Variants in BCKDHA observed in about 807,000 individuals in gnomAD.
The protein encoded by BCKDHA is 2-oxoisovalerate dehydrogenase subunit alpha, mitochondrial.
Under a neutral mutation model 52.2 loss-of-function variants are expected in BCKDHA, and 43 were observed. The observed-to-expected ratio is 0.82, with a 90% CI of 0.64 to 1.06. The LOEUF (loss-of-function observed/expected upper bound fraction) is 1.06. Among genes scored for constraint, BCKDHA ranks in the 50% least tolerant of loss-of-function variants. The probability of loss-of-function intolerance (pLI) is 0.00; values close to 1 mark genes in which losing one functional copy is unlikely to be tolerated. For missense variants in BCKDHA, 527 were observed against 621.3 expected (o/e 0.85, Z 1.61); for synonymous variants, 234 against 247.9 (o/e 0.94, Z 0.53).
At chr19:41,420,509 G>A (rs1254608512) in intron 5 of BCKDHA, among the ~76,000 whole-genome samples, 1 of 152,058 alleles carries the variant, frequency 6.6e-6, no homozygotes, top group Non-Finnish European at 1.5e-5. Context: ...TGAAGCAGGA[G>A]GATTGCTTGA....
intron 5 of BCKDHA, among the ~76,000 whole-genome samples, chr19:41,419,877 C>T (rs988365983): frequency 6.6e-5 from 10 of 151,462 alleles, no homozygotes; most frequent in Non-Finnish European, 1.2e-4. Flanking sequence ...AAGTGATTCT[C>T]CTGCCTTAGC....
At chr19:41,417,260 C>T (rs890017292) in intron 4 of BCKDHA, among the ~76,000 whole-genome samples, 1 of 152,126 alleles carries the variant, frequency 6.6e-6, no homozygotes, top group Non-Finnish European at 1.5e-5. Flanking sequence ...AAGCAGTCCA[C>T]CTGCCTCACC....
intron 1 of BCKDHA, among the ~76,000 whole-genome samples, chr19:41,404,332 C>T (rs1305314896): frequency 6.6e-6 from 1 of 152,086 alleles, no homozygotes; most frequent in Non-Finnish European, 1.5e-5. Context: ...CTCTGTCACC[C>T]AGGCTGGAGT....
intron 1 of BCKDHA, among the ~76,000 whole-genome samples, chr19:41,409,820 T>TC (rs2039232279): frequency 7.0e-6 from 1 of 142,944 alleles, no homozygotes; most frequent in African/African-American, 2.9e-5. Flanking sequence ...TTTTTTTTTT[T>TC]TGAGATGGAG....
intron 5 of BCKDHA, among the ~76,000 whole-genome samples, chr19:41,420,851 A>G (rs1024821360): frequency 2.0e-5 from 3 of 152,298 alleles, no homozygotes; most frequent in Middle Eastern, 3.4e-3. Flanking sequence ...GCACCCTCAT[A>G]GTGTGGAGAA....
intron 8 of BCKDHA, 49 bp from the exon 9 acceptor site, chr19:41,424,389 T>C: frequency 6.2e-7 from 1 of 1,609,846 alleles, no homozygotes; most frequent in Non-Finnish European, 8.5e-7. Flanking sequence ...GGAAGCAGGG[T>C]CCTGCATGGG....
At chr19:41,401,859 C>T (rs1483246477) in intron 1 of BCKDHA, among the ~76,000 whole-genome samples, 1 of 152,194 alleles carries the variant, frequency 6.6e-6, no homozygotes, top group East Asian at 1.9e-4. Context: ...CAGGGGCAGC[C>T]TGTCTGGGGG....
chr19:41,424,393 G>A (rs200202585), intron 8 of BCKDHA, 45 bp from the exon 9 acceptor site: 1 of 1,611,572 alleles, frequency 6.2e-7, no homozygotes, highest in Admixed American at 1.7e-5. Flanking sequence ...GCAGGGTCCT[G>A]CATGGGAGGC....
intron 1 of BCKDHA, among the ~76,000 whole-genome samples, chr19:41,407,679 C>T (rs1282292410): frequency 6.6e-6 from 1 of 152,182 alleles, no homozygotes; most frequent in Non-Finnish European, 1.5e-5. Flanking sequence ...TGCTACCCCG[C>T]TAGAACTGTG....
intron 1 of BCKDHA, among the ~76,000 whole-genome samples, chr19:41,406,289 CCCCTCTTAGTG>C (rs1351104218): frequency 6.6e-6 from 1 of 152,164 alleles, no homozygotes; most frequent in Non-Finnish European, 1.5e-5. Context: ...ACTCTGGCCT[CCCCTCTTAGTG>C]CCCGTCTGAA....
At chr19:41,400,149 C>T (rs972535408) in intron 1 of BCKDHA, among the ~76,000 whole-genome samples, 11 of 152,032 alleles carry the variant, frequency 7.2e-5, no homozygotes, top group Non-Finnish European at 1.2e-4. Context: ...TCACTGCAGC[C>T]TCAACCTCCT....
rs1253993317 is a variant in BCKDHA at position 41,424,542 on chromosome 19, G to A, written c.1272G>A (p.Gln424=). The part of the protein sequence containing the change: ...QEMPAQLRKQ[Q]ESLARHLQTY... ...TGCCCGCCCAGCTCCGCAAGCAGCA[G>A]GAGTCTCTGGCCCGCCACCTGCAGA... Residue 424 remains glutamine, a synonymous_variant, in exon 9 of 9, where the codon CAG becomes CAA. Coordinates refer to ENST00000269980, the MANE Select transcript of BCKDHA (RefSeq NM_000709.4). 6.2e-7 allele frequency: 1 copy of A among 1,614,012 alleles called. No homozygotes were observed. The highest frequency in any genetic ancestry group is 1.3e-5 in the African/African-American group (1 of 74,910).
intron 6 of BCKDHA, 117 bp downstream of exon 6, chr19:41,422,487 C>T (rs894606234): frequency 1.9e-6 from 3 of 1,566,308 alleles, no homozygotes; most frequent in Non-Finnish European, 2.6e-6. Flanking sequence ...TGTCCTGTGG[C>T]GTCTGGCACT....
At chr19:41,406,178 GACCCA>G (rs1311773354) in intron 1 of BCKDHA, among the ~76,000 whole-genome samples, 2 of 152,128 alleles carry the variant, frequency 1.3e-5, no homozygotes, top group Non-Finnish European at 2.9e-5. Flanking sequence ...GTACAGCCGA[GACCCA>G]GCTGCAGTAT....
intron 5 of BCKDHA, among the ~76,000 whole-genome samples, 169 bp downstream of exon 5, chr19:41,419,465 G>A (rs1465466806): frequency 6.6e-6 from 1 of 151,964 alleles, no homozygotes; most frequent in Non-Finnish European, 1.5e-5. Context: ...TTTTTGAGAC[G>A]GAGTCTTGCA....
At chr19:41,421,194 A>G (rs1156394783) in intron 5 of BCKDHA, among the ~76,000 whole-genome samples, 1 of 152,160 alleles carries the variant, frequency 6.6e-6, no homozygotes, top group East Asian at 1.9e-4. Context: ...GGTCCCTGCT[A>G]AGTCACTTCA....
chr19:41,398,025 G>A, intron 1 of BCKDHA, 90 bp downstream of exon 1: 4 of 1,109,258 alleles, frequency 3.6e-6, no homozygotes, highest in Non-Finnish European at 5.3e-6. Context: ...AGGATATGAA[G>A]GAAGGGCTGT....
Position 41,421,153 on chromosome 19 carries a change from A to C in BCKDHA, c.647-1011A>C, listed in dbSNP as rs1421592197. Among the ~76,000 whole-genome samples, 3 of 152,166 alleles carry C rather than the reference A, an allele frequency of 2.0e-5. No individual in the cohort carries two copies. The East Asian group carries it at 5.8e-4, about 29-fold the overall frequency. ...AGCTAAAGGTAATAGGGTTTCCACA[A>C]GGCTGGGGCGTGGCCCTAACCTTCC... On this transcript the variant is annotated intron_variant, in intron 5 of 8. Transcript: ENST00000269980.
intron 1 of BCKDHA, among the ~76,000 whole-genome samples, chr19:41,403,805 C>T (rs2123242370): frequency 6.6e-6 from 1 of 152,348 alleles, no homozygotes; most frequent in East Asian, 1.9e-4. Context: ...GGCTCCTGTC[C>T]AAGGCCGCGT....
Sources: gnomAD v4.1 joint callset for allele counts (sites outside exome capture counted in the v4.1 genomes callset) on GRCh38, gnomAD v4.1.1 for gene constraint, MANE v1.5 for transcripts, NCBI Gene and HGNC (gene_info 2026-07-23, HGNC 2026-07-21) for gene names.